The following HYAL4 variants were observed in gnomAD, a reference collection of about 807,000 sequenced individuals.
HYAL4 encodes the protein hyaluronidase-4.
A neutral mutation model predicts 35.2 loss-of-function variants in HYAL4; 37 were observed. That is an observed-to-expected ratio of 1.05 (90% confidence interval 0.81 to 1.38). The LOEUF is 1.38. HYAL4 is among the 40% of genes most tolerant of loss of function. HYAL4 has a pLI of 0.00. For synonymous variants in HYAL4, 198 were observed against 203.2 expected (o/e 0.97, Z 0.22); for missense variants, 572 against 572.4 (o/e 1.00, Z 0.01).
chr7:123,777,994 T>C, the HYAL4 span, among the ~76,000 whole-genome samples: 1 of 152,022 alleles, frequency 6.6e-6, no homozygotes, highest in Non-Finnish European at 1.5e-5. Context: ...AGTTCTAAAA[T>C]TCTAAATTAT....
chr7:123,798,591 T>G, the HYAL4 span, among the ~76,000 whole-genome samples: 2 of 152,152 alleles, frequency 1.3e-5, no homozygotes, highest in Non-Finnish European at 2.9e-5. Flanking sequence ...GGTGGTTGGG[T>G]GTGTCAATCA....
At chr7:123,850,885 T>G (rs1467698789) in intron 2 of HYAL4, among the ~76,000 whole-genome samples, 1 of 152,204 alleles carries the variant, frequency 6.6e-6, no homozygotes, top group Non-Finnish European at 1.5e-5. Context: ...CCAAATTTCC[T>G]TATTGTATTA....
chr7:123,813,413 T>G, the HYAL4 span, among the ~76,000 whole-genome samples: 1 of 152,162 alleles, frequency 6.6e-6, no homozygotes, highest in African/African-American at 2.4e-5. Flanking sequence ...TATTTAGGGT[T>G]TAACTGCTGA....
At chr7:123,802,601 T>G in the HYAL4 span, among the ~76,000 whole-genome samples, 1 of 152,152 alleles carries the variant, frequency 6.6e-6, no homozygotes, top group Non-Finnish European at 1.5e-5. Context: ...GGGAATTTTT[T>G]TTTTTCTTTT....
At chr7:123,775,560 CA>C in the HYAL4 span, among the ~76,000 whole-genome samples, 3 of 152,134 alleles carry the variant, frequency 2.0e-5, no homozygotes, top group African/African-American at 7.2e-5. Flanking sequence ...TGGAATAAGA[CA>C]AAAACTACAG....
Position 123,877,045 on chromosome 7 carries a change from T to C in HYAL4, c.1336T>C (p.Cys446Arg). 1 of 1,614,228 alleles carries C rather than the reference T, an allele frequency of 6.2e-7. No homozygotes were observed. Among genetic ancestry groups the C allele is most frequent in the Non-Finnish European group, 8.5e-7 (1 of 1,180,022 alleles). Residue 446 changes from cysteine (C) to arginine (R), a missense_variant, in exon 5 of 5, where the codon TGC becomes CGC. Coordinates refer to ENST00000223026, the MANE Select transcript of HYAL4 (RefSeq NM_012269.3). ...TTATCAGGGATATGAAGGAGCTGAT[T>C]GCAGAGAAATAAAGACGGCTGATGG... ...HCYQGYEGAD[C>R]REIKTADGCS...
intron 1 of HYAL4, among the ~76,000 whole-genome samples, chr7:123,836,557 G>T (rs1805966259): frequency 6.6e-6 from 1 of 152,074 alleles, no homozygotes; most frequent in African/African-American, 2.4e-5. Flanking sequence ...CTTTTAAGTG[G>T]AGCATTTAGG....
chr7:123,862,750 C>T (rs1806602514), intron 2 of HYAL4, among the ~76,000 whole-genome samples: 1 of 152,176 alleles, frequency 6.6e-6, no homozygotes, highest in Non-Finnish European at 1.5e-5. Flanking sequence ...TATAGTCTTC[C>T]TGCTTCTCTC....
At chr7:123,778,520 A>C in the HYAL4 span, among the ~76,000 whole-genome samples, 1 of 151,640 alleles carries the variant, frequency 6.6e-6, no homozygotes, top group Admixed American at 6.6e-5. Flanking sequence ...TATTTTTAAG[A>C]GCGTGGGCCT....
the HYAL4 span, among the ~76,000 whole-genome samples, chr7:123,795,137 G>A: frequency 1.3e-5 from 2 of 152,226 alleles, no homozygotes; most frequent in African/African-American, 2.4e-5. Context: ...CATGCAGCCT[G>A]TAACCCCTTA....
intron 2 of HYAL4, among the ~76,000 whole-genome samples, chr7:123,849,938 G>A (rs151047679): frequency 8.6e-6 from 1 of 115,816 alleles, no homozygotes. Context: ...GTAGAAACAT[G>A]TTTCTATATT....
At chr7:123,816,660 A>G in the HYAL4 span, among the ~76,000 whole-genome samples, 1 of 152,258 alleles carries the variant, frequency 6.6e-6, no homozygotes, top group Middle Eastern at 3.4e-3. Context: ...CTTTTAAAGT[A>G]AATTATATGC....
At chr7:123,805,669 G>T in the HYAL4 span, among the ~76,000 whole-genome samples, 1 of 152,064 alleles carries the variant, frequency 6.6e-6, no homozygotes, top group Non-Finnish European at 1.5e-5. Flanking sequence ...TAATAAAAAA[G>T]AGAAGATACA....
chr7:123,811,340 C>T, the HYAL4 span, among the ~76,000 whole-genome samples: 2 of 152,206 alleles, frequency 1.3e-5, no homozygotes, highest in Non-Finnish European at 2.9e-5. Context: ...TGCTACACAT[C>T]CTCACCAACA....
chr7:123,853,389 TGTA>T (rs199680879), intron 2 of HYAL4, among the ~76,000 whole-genome samples: 1 of 151,620 alleles, frequency 6.6e-6, no homozygotes, highest in African/African-American at 2.4e-5. Flanking sequence ...TAGCTCTTAT[TGTA>T]TTGAGATACA....
In HYAL4 at chr7:123,845,617, T is replaced by G. The variant is rs1224339327; in HGVS notation, c.-190T>G. The G allele has an allele frequency of 6.6e-6, 1 of 152,188 alleles. No homozygotes were observed. The highest frequency in any genetic ancestry group is 2.4e-5 in the African/African-American group (1 of 41,448). The allele number at this position is 152,188 out of a possible 1,614,324, so 9.4% of individuals were successfully genotyped here. Reference sequence around the variant, plus strand: ...TTTTCTGATGCCTCCTTGTTTAGCTTAATAACTGACCTTCTGAATTCTTTT... The same window carrying G: ...TTTTCTGATGCCTCCTTGTTTAGCTGAATAACTGACCTTCTGAATTCTTTT... On this transcript the variant is annotated 5_prime_UTR_variant, in exon 1 of 5. It removes the in-frame stop codon of an upstream open reading frame in the 5' UTR. Coordinates refer to ENST00000223026, the MANE Select transcript of HYAL4 (RefSeq NM_012269.3).
At chr7:123,771,394 C>A in the HYAL4 span, among the ~76,000 whole-genome samples, 1 of 152,046 alleles carries the variant, frequency 6.6e-6, no homozygotes, top group Admixed American at 6.5e-5. Flanking sequence ...TTTCAGACTG[C>A]ATAATTCTTT....
At position 123,876,878 on chromosome 7, in the gene HYAL4, A is replaced by G. The variant is rs748171621; in HGVS notation, c.1169A>G (p.Lys390Arg). ...LCRNNGRCIR[K>R]MWNAPSYLHL... ...AGGAACAATGGCAGGTGCATAAGGA[A>G]GATGTGGAACGCGCCCAGTTACCTT... is the stretch of plus-strand genomic sequence containing the variant. Residue 390 changes from lysine to arginine, a missense_variant, in exon 5 of 5, where the codon AAG (lysine) becomes AGG (arginine). Transcript: ENST00000223026. 12 of 1,614,098 alleles carry G rather than the reference A, an allele frequency of 7.4e-6. No individual in the cohort carries two copies. The highest frequency in any genetic ancestry group is 6.7e-5 in the East Asian group (3 of 44,898).
intron 1 of HYAL4, among the ~76,000 whole-genome samples, chr7:123,839,764 A>T (rs1250778198): frequency 6.6e-6 from 1 of 152,082 alleles, no homozygotes; most frequent in African/African-American, 2.4e-5. Flanking sequence ...CATGTGTCTG[A>T]TGGCTGCATA....
Sources: allele counts gnomAD v4.1 joint callset (sites outside exome capture counted in the v4.1 genomes callset), GRCh38; gene constraint gnomAD v4.1.1; transcripts MANE v1.5; gene names NCBI Gene and HGNC (gene_info 2026-07-23, HGNC 2026-07-21).